EMSY: variants seen among roughly 807,000 people sequenced by gnomAD.
EMSY encodes the protein BRCA2-interacting transcriptional repressor EMSY.
Under a neutral mutation model 134.6 loss-of-function variants are expected in EMSY, and 26 were observed. The observed-to-expected ratio is 0.19, with a 90% confidence interval of 0.14 to 0.27. The LOEUF (loss-of-function observed/expected upper bound fraction) is 0.27, where lower values mean the gene tolerates loss of function less well. Among genes scored for constraint, EMSY ranks in the 10% least tolerant of loss-of-function variants. The pLI, the probability that EMSY is intolerant of heterozygous loss-of-function variation, is 1.00. For synonymous variants in EMSY, 579 were observed against 577.8 expected, an observed-to-expected ratio of 1.00 and a Z score of -0.03; for missense variants, 1,305 against 1,611.4, an observed-to-expected ratio of 0.81 and a Z score of 3.26.
At chr11:76,490,504 A>G (rs953667397) in intron 8 of EMSY, among the ~76,000 whole-genome samples, 1 of 152,244 alleles carries the variant, frequency 6.6e-6, no homozygotes, top group African/African-American at 2.4e-5. Flanking sequence ...TCAATTTATA[A>G]CAGTCTACCT....
chr11:76,516,489 C>T lies in EMSY; in HGVS notation c.1684+177C>T, dbSNP rs200285902. On this transcript the variant is annotated intron_variant, in intron 11 of 20. Transcript: ENST00000334736. The stretch of plus-strand genomic sequence containing the variant: ...GTTTTTAGTTTTAATATTCAATATT[C>T]ACATATAAAGCTTTTGATAGTTTTA... 31 of 427,672 alleles carry T rather than the reference C, an allele frequency of 7.2e-5. No homozygotes were observed. In the East Asian group the frequency reaches 1.1e-3, roughly 16 times the overall value. The allele number at this position is 427,672 out of a possible 1,614,324, so 26.5% of individuals were successfully genotyped here.
chr11:76,449,025 G>A (rs1947542344), intron 2 of EMSY, among the ~76,000 whole-genome samples: 1 of 151,968 alleles, frequency 6.6e-6, no homozygotes, highest in Admixed American at 6.6e-5. Flanking sequence ...CTCCAACACG[G>A]GGCTTTATGG....
chr11:76,464,769 T>G (rs1430678512), intron 7 of EMSY, among the ~76,000 whole-genome samples: 2 of 152,214 alleles, frequency 1.3e-5, no homozygotes, highest in Admixed American at 1.3e-4. Flanking sequence ...ACCTGGTGTA[T>G]GGGTGGATGG....
intron 4 of EMSY, 65 bp from the exon 6 acceptor site, chr11:76,458,104 TATATATGTTTGAGC>T (rs1947947628): frequency 1.5e-6 from 2 of 1,342,042 alleles, no homozygotes; most frequent in Non-Finnish European, 2.0e-6. Context: ...TTTAAAAAGT[TATATATGTTTGAGC>T]ATATATGTTT....
intron 8 of EMSY, among the ~76,000 whole-genome samples, chr11:76,480,667 C>T (rs192813722): frequency 2.1e-3 from 313 of 152,308 alleles, no homozygotes; most frequent in African/African-American, 7.1e-3. Context: ...CAGCTCCCAG[C>T]GAGATCAACA....
At chr11:76,508,898 T>C (rs1565329912) in intron 9 of EMSY, among the ~76,000 whole-genome samples, 1 of 152,138 alleles carries the variant, frequency 6.6e-6, no homozygotes, top group Non-Finnish European at 1.5e-5. Context: ...TTAACTGGCC[T>C]AATTTCAGTA....
intron 8 of EMSY, among the ~76,000 whole-genome samples, chr11:76,473,169 A>G (rs1283552947): frequency 6.6e-6 from 1 of 152,196 alleles, no homozygotes; most frequent in East Asian, 1.9e-4. Context: ...AGAAATTTGA[A>G]ATTATATTAC....
intron 14 of EMSY, among the ~76,000 whole-genome samples, chr11:76,532,081 T>G (rs1951062211): frequency 6.6e-6 from 1 of 152,230 alleles, no homozygotes; most frequent in Non-Finnish European, 1.5e-5. Flanking sequence ...CATCAGCTCT[T>G]TTAACACTGA....
Position 76,508,110 on chromosome 11 carries a change from A to G in EMSY, c.1364-5276A>G, listed in dbSNP as rs578212289. On this transcript the variant is annotated intron_variant, in intron 9 of 20. Transcript: ENST00000334736. ...GGTCTCAAACTCCTGGGCTCAAACAATCCACCTGCCACAGCCTCCCAAAGT... is the reference window on the plus strand; with the variant it reads ...GGTCTCAAACTCCTGGGCTCAAACAGTCCACCTGCCACAGCCTCCCAAAGT... Among the ~76,000 whole-genome samples, 80 of 152,130 alleles carry G rather than the reference A, an allele frequency of 5.3e-4. 2 individuals are homozygous for G. The South Asian group carries it at 0.015, about 29-fold the overall frequency.
intron 9 of EMSY, among the ~76,000 whole-genome samples, chr11:76,510,951 A>G (rs1343132585): frequency 6.6e-6 from 1 of 152,086 alleles, no homozygotes; most frequent in Non-Finnish European, 1.5e-5. Context: ...TTGAGATTTT[A>G]TTGAGTAGAT....
At chr11:76,537,037 G>A (rs1033174481) in intron 15 of EMSY, among the ~76,000 whole-genome samples, 9 of 152,184 alleles carry the variant, frequency 5.9e-5, no homozygotes, top group African/African-American at 2.2e-4. Flanking sequence ...TTTAATGTAA[G>A]TCTTTGGTTA....
intron 11 of EMSY, among the ~76,000 whole-genome samples, chr11:76,520,582 T>G (rs1451564321): frequency 6.6e-6 from 1 of 152,136 alleles, no homozygotes; most frequent in Admixed American, 6.6e-5. Flanking sequence ...AGACTACAAA[T>G]AAATGGAAAA....
downstream of EMSY, chr11:76,551,687 T>C (rs1415872489): frequency 7.2e-5 from 11 of 152,222 alleles, no homozygotes; most frequent in Admixed American, 7.2e-4. Context: ...AAAAACTTTG[T>C]GACTGTTTCT....
chr11:76,539,436 T>C (rs1951349122), intron 16 of EMSY, among the ~76,000 whole-genome samples, 163 bp from the exon 18 acceptor site: 2 of 152,196 alleles, frequency 1.3e-5, no homozygotes, highest in African/African-American at 2.4e-5. Flanking sequence ...AGGTAAGATA[T>C]GGAAAGCCAT....
chr11:76,495,121 C>T (rs1435118308), intron 8 of EMSY, among the ~76,000 whole-genome samples: 1 of 152,208 alleles, frequency 6.6e-6, no homozygotes, highest in Non-Finnish European at 1.5e-5. Context: ...AAAAATTCAA[C>T]AAGTGAGGAT....
At chr11:76,537,099 C>T (rs1035300543) in intron 15 of EMSY, among the ~76,000 whole-genome samples, 1 of 152,084 alleles carries the variant, frequency 6.6e-6, no homozygotes, top group African/African-American at 2.4e-5. Flanking sequence ...GGTTCTTTGT[C>T]GTTGACATGC....
chr11:76,493,431 G>T (rs1949505422), intron 8 of EMSY, among the ~76,000 whole-genome samples: 1 of 152,210 alleles, frequency 6.6e-6, no homozygotes, highest in Non-Finnish European at 1.5e-5. Flanking sequence ...CCTCAAACCA[G>T]GGATGGCCTG....
chr11:76,520,959 A>G (rs1950618732), intron 11 of EMSY, among the ~76,000 whole-genome samples: 1 of 152,220 alleles, frequency 6.6e-6, no homozygotes, highest in African/African-American at 2.4e-5. Context: ...GAAGAACTTG[A>G]CATGCCTCTT....
At chr11:76,473,589 A>G (rs1590830380) in intron 8 of EMSY, among the ~76,000 whole-genome samples, 1 of 152,074 alleles carries the variant, frequency 6.6e-6, no homozygotes, top group African/African-American at 2.4e-5. Context: ...TATGACAGGC[A>G]CGAGCCACTG....
Sources: gnomAD v4.1 joint callset for allele counts (sites outside exome capture counted in the v4.1 genomes callset) on GRCh38, gnomAD v4.1.1 for gene constraint, MANE v1.5 for transcripts, NCBI Gene and HGNC (gene_info 2026-07-23, HGNC 2026-07-21) for gene names.